HEATR5A: variants seen among roughly 807,000 people sequenced by gnomAD.
The protein encoded by HEATR5A is HEAT repeat containing 5A.
In HEATR5A, 178 loss-of-function variants were observed where a neutral mutation model predicts 218.8. The ratio of observed to expected loss-of-function variants is 0.81; its 90% CI spans 0.72 to 0.92. The LOEUF is 0.92. HEATR5A is among the 40% of genes least tolerant of loss of function. HEATR5A has a pLI of 0.00. For synonymous variants in HEATR5A, 864 were observed against 871.6 expected, an observed-to-expected ratio of 0.99 and a Z score of 0.15; for missense variants, 2,420 against 2,418.9, an observed-to-expected ratio of 1.00 and a Z score of -0.01.
At chr14:31,406,947 A>G (rs2031083530) in intron 1 of HEATR5A, among the ~76,000 whole-genome samples, 1 of 119,552 alleles carries the variant, frequency 8.4e-6, no homozygotes, top group Non-Finnish European at 1.6e-5. Flanking sequence ...ATTGCACTCT[A>G]GCCTGTGTGA....
intron 14 of HEATR5A, among the ~76,000 whole-genome samples, chr14:31,363,250 A>AAG (rs1901688833): frequency 6.6e-6 from 1 of 152,038 alleles, no homozygotes; most frequent in African/African-American, 2.4e-5. Flanking sequence ...AAAAAAAAAA[A>AAG]AAAAGTTTAT....
chr14:31,329,491 G>A (rs1900390570), intron 22 of HEATR5A, among the ~76,000 whole-genome samples: 1 of 152,198 alleles, frequency 6.6e-6, no homozygotes, highest in African/African-American at 2.4e-5. Flanking sequence ...CATAAAATCT[G>A]AAAGCTCCGA....
At chr14:31,307,694 C>T (rs143730409) in intron 30 of HEATR5A, among the ~76,000 whole-genome samples, 199 bp downstream of exon 30, 2 of 152,240 alleles carry the variant, frequency 1.3e-5, no homozygotes, top group South Asian at 2.1e-4. Flanking sequence ...GACAGAAAAG[C>T]GGCAGAGTAA....
In HEATR5A at chr14:31,389,644, A is replaced by C. The variant is rs558110305; in HGVS notation, c.773-639T>G. Among the ~76,000 whole-genome samples, 4 of 152,206 alleles carry C rather than the reference A, an allele frequency of 2.6e-5. No individual in the cohort carries two copies. The East Asian group carries it at 7.7e-4, about 29-fold the overall frequency. On this transcript the variant is annotated intron_variant, in intron 6 of 35. Transcript: ENST00000543095. ...GGGTTTCTCCCTGTGACTAGATAAT[A>C]TTATCTCCCCAAAAAAAAGAAGAAA...
intron 23 of HEATR5A, among the ~76,000 whole-genome samples, chr14:31,324,907 T>C (rs1390523229): frequency 1.3e-5 from 2 of 152,134 alleles, no homozygotes; most frequent in Non-Finnish European, 2.9e-5. Context: ...AGAATCAAGA[T>C]AGTCAGAGCA....
chr14:31,329,499 C>T (rs529444971), intron 22 of HEATR5A, among the ~76,000 whole-genome samples: 4 of 152,278 alleles, frequency 2.6e-5, no homozygotes, highest in East Asian at 1.9e-4. Flanking sequence ...CTGAAAGCTC[C>T]GAAGTGATCT....
chr14:31,397,812 C>T (rs1209570740), intron 4 of HEATR5A, among the ~76,000 whole-genome samples: 1 of 152,126 alleles, frequency 6.6e-6, no homozygotes, highest in Non-Finnish European at 1.5e-5. Context: ...GTGTTCACCA[C>T]CATACCCCAA....
At chr14:31,310,184 G>T (rs1256761431) in intron 28 of HEATR5A, among the ~76,000 whole-genome samples, 1 of 151,664 alleles carries the variant, frequency 6.6e-6, no homozygotes, top group African/African-American at 2.4e-5. Context: ...TACTTAAAAG[G>T]CATCATACTG....
In HEATR5A at chr14:31,388,957, T is replaced by A; in HGVS notation, c.821A>T (p.Glu274Val). The stretch of plus-strand genomic sequence containing the variant: ...ACGTAGAAACCCTGTTCCTAGTAAT[T>A]CCAGAACTTCCTCCAAAGATACTCT... Reference protein sequence around the residue: ...IRRVSLEEVLELLGTGFLRGS... With the variant: ...IRRVSLEEVLVLLGTGFLRGS... Residue 274 changes from glutamate to valine, a missense_variant, in exon 7 of 36, where the codon GAA becomes GTA. By Grantham distance (121) the Glu-to-Val change is moderately radical. Transcript: ENST00000543095. The A allele has an allele frequency of 1.9e-6, 3 of 1,613,722 alleles. No homozygotes were observed. The East Asian group carries it at 6.7e-5, about 36-fold the overall frequency.
At chr14:31,414,138 AG>A (rs145060148) in intron 1 of HEATR5A, among the ~76,000 whole-genome samples, 2,873 of 152,270 alleles carry the variant, frequency 0.019, 90 homozygotes, top group African/African-American at 0.065. Context: ...TCTCCATGGA[AG>A]GGGGATTTCA....
rs772279815 is a variant in HEATR5A, at chr14:31,358,620, C to T, written c.2411+17G>A. 4 of 1,606,588 alleles carry T rather than the reference C, an allele frequency of 2.5e-6. No individual in the cohort carries two copies. The South Asian group carries it at 4.4e-5, about 18-fold the overall frequency. On this transcript the variant is annotated intron_variant, in intron 16 of 35. Transcript: ENST00000543095. ...AGTTCTCTATTATCCATTCACTGAA[C>T]CATTGAAGATATTTACCTTTGAGTT...
rs1595154646 is a variant in HEATR5A, at chr14:31,378,490, C to T, written c.1708+1977G>A. 2.0e-5 allele frequency among the ~76,000 whole-genome samples: 3 copies of T among 152,264 alleles called. No homozygotes were observed. In the East Asian group the frequency reaches 5.8e-4, roughly 29 times the overall value. On this transcript the variant is annotated intron_variant, in intron 11 of 35. Coordinates refer to ENST00000543095, the MANE Select transcript of HEATR5A (RefSeq NM_015473.4). ...TAGTCCAATAAATCTCTTTAATCAT[C>T]TTAAGAACACTACTTGGCCAGGTGC...
At chr14:31,353,122 C>T (rs1211563413) in intron 16 of HEATR5A, among the ~76,000 whole-genome samples, 3 of 150,944 alleles carry the variant, frequency 2.0e-5, no homozygotes, top group Non-Finnish European at 4.4e-5. Flanking sequence ...TAAAATTTAC[C>T]CCAAATCCCA....
At chr14:31,359,729 C>CAAAAAAAAAAAA (rs376157768) in intron 14 of HEATR5A, among the ~76,000 whole-genome samples, 8 of 32,192 alleles carry the variant, frequency 2.5e-4, no homozygotes, top group Non-Finnish European at 3.8e-4. Context: ...CATCTCAAGA[C>CAAAAAAAAAAAA]AAAAAAAAAA....
intron 11 of HEATR5A, among the ~76,000 whole-genome samples, chr14:31,375,841 C>A (rs905518781): frequency 1.3e-5 from 2 of 152,118 alleles, no homozygotes. Context: ...GACACAAACC[C>A]AATAATAATA....
At chr14:31,362,620 A>AAC (rs1901660411) in intron 14 of HEATR5A, among the ~76,000 whole-genome samples, 1 of 148,698 alleles carries the variant, frequency 6.7e-6, no homozygotes, top group South Asian at 2.1e-4. Flanking sequence ...AAAAAAAAAA[A>AAC]AAAAAAAAAA....
At chr14:31,302,582 A>T in intron 32 of HEATR5A, 63 bp from the exon 33 acceptor site, 2 of 1,109,886 alleles carry the variant, frequency 1.8e-6, no homozygotes, top group Non-Finnish European at 2.6e-6. Context: ...TTCTAAAAAG[A>T]AATCATCAAG....
intron 22 of HEATR5A, among the ~76,000 whole-genome samples, chr14:31,327,543 G>C (rs1900311630): frequency 6.7e-6 from 1 of 150,060 alleles, no homozygotes; most frequent in African/African-American, 2.5e-5. Flanking sequence ...CACATGCCTA[G>C]GCCTCCCAAA....
intron 1 of HEATR5A, among the ~76,000 whole-genome samples, chr14:31,407,097 C>T (rs1438387901): frequency 1.3e-5 from 2 of 151,792 alleles, no homozygotes; most frequent in Admixed American, 6.6e-5. Context: ...CAAGACCAGC[C>T]TGAGCAACAT....
Sources: allele counts gnomAD v4.1 joint callset (sites outside exome capture counted in the v4.1 genomes callset), GRCh38; gene constraint gnomAD v4.1.1; transcripts MANE v1.5; gene names NCBI Gene and HGNC (gene_info 2026-07-23, HGNC 2026-07-21).